IFT140: variants seen among roughly 807,000 people sequenced by gnomAD.
IFT140 encodes the protein intraflagellar transport 140.
In IFT140, 133 loss-of-function variants were observed where a neutral mutation model predicts 164.6. That is an observed-to-expected ratio of 0.81 (90% CI 0.70 to 0.93). IFT140 has a LOEUF of 0.93. Ranked by LOEUF, IFT140 falls within the 40% of genes least tolerant of loss-of-function variation. IFT140 has a pLI of 0.00. For missense variants in IFT140, 2,045 were observed against 1,972.3 expected (o/e 1.04, Z -0.70); for synonymous variants, 860 against 817.3 (o/e 1.05, Z -0.89).
At chr16:1,517,233 C>G (rs910126262) in intron 30 of IFT140, among the ~76,000 whole-genome samples, 1 of 152,050 alleles carries the variant, frequency 6.6e-6, no homozygotes, top group Admixed American at 6.5e-5. Context: ...ACCTGTAGTC[C>G]CAGCTACTTG....
Position 1,531,242 on chromosome 16 carries a change from A to G in IFT140, c.2400-4446T>C, listed in dbSNP as rs771693221. 11 of 152,174 alleles carry G rather than the reference A, an allele frequency of 7.2e-5. No homozygotes were observed. Among genetic ancestry groups the G allele is most frequent in the Non-Finnish European group, 1.2e-4 (8 of 68,034 alleles). The allele number at this position is 152,174 out of a possible 1,614,324, so 9.4% of individuals were successfully genotyped here. A position where few individuals can be genotyped will look rare whatever the true frequency, so the allele number is the denominator to read the frequency against. ...GTTGTCCCGGCCAGTCTGTGGAGTC[A>G]CCCACATCTGCACTTCATCAGCCCC... is the stretch of plus-strand genomic sequence containing the variant. On this transcript the variant is annotated intron_variant, in intron 19 of 30. Transcript: ENST00000426508. This position sits in a 1 kb window ranked among gnomAD's most constrained non-coding sequence, Gnocchi z 4.7.
chr16:1,542,778 C>T lies in IFT140; in HGVS notation c.2399+15157G>A, dbSNP rs3826053. Among the ~76,000 whole-genome samples, 456 of 152,354 alleles carry T rather than the reference C, an allele frequency of 3.0e-3. 13 individuals are homozygous for T. The East Asian group carries it at 0.068, about 23-fold the overall frequency. On this transcript the variant is annotated intron_variant, in intron 19 of 30. Coordinates refer to ENST00000426508, the MANE Select transcript of IFT140 (RefSeq NM_014714.4). ...TCACGAGGCCCTGGCTTCCCCAAGC[C>T]GCCATGTGAGTTGGGGAGGAGGCCC...
rs1056164068 is a variant in IFT140, at chr16:1,525,221, G to A, written c.2864+10C>T. On this transcript the variant is annotated intron_variant, in intron 22 of 30. Coordinates refer to ENST00000426508, the MANE Select transcript of IFT140 (RefSeq NM_014714.4). The stretch of plus-strand genomic sequence containing the variant: ...AGTGCGGTCCCACCAGCCCTGGTGG[G>A]GACACTCACTTATCCTTCATTTTAT... 1 of 1,601,064 alleles carries A rather than the reference G, an allele frequency of 6.2e-7. No individual in the cohort carries two copies. The highest frequency in any genetic ancestry group is 8.5e-7 in the Non-Finnish European group (1 of 1,170,416).
At chr16:1,552,460 T>C (rs1321069107) in intron 19 of IFT140, among the ~76,000 whole-genome samples, 2 of 152,034 alleles carry the variant, frequency 1.3e-5, no homozygotes, top group African/African-American at 4.8e-5. Context: ...CGGCAGAAAG[T>C]GCCAGACCCC....
intron 19 of IFT140, among the ~76,000 whole-genome samples, chr16:1,529,729 T>TA (rs1389292171): frequency 2.6e-5 from 4 of 152,104 alleles, no homozygotes. Flanking sequence ...AGGTCCTGGG[T>TA]AAAAATCCAC....
intron 18 of IFT140, among the ~76,000 whole-genome samples, chr16:1,561,357 A>G (rs2033397668): frequency 6.6e-6 from 1 of 152,232 alleles, no homozygotes; most frequent in African/African-American, 2.4e-5. Context: ...GAAGGAAATA[A>G]CTTGTTCAAA....
At chr16:1,513,882 C>G (rs937930338) in intron 30 of IFT140, among the ~76,000 whole-genome samples, 3 of 141,956 alleles carry the variant, frequency 2.1e-5, no homozygotes, top group Non-Finnish European at 4.5e-5. Context: ...ACCGTGTTAG[C>G]CAAGATGGTC....
intron 4 of IFT140, 48 bp from the exon 5 acceptor site, chr16:1,592,636 G>C (rs376997918): frequency 3.8e-6 from 6 of 1,578,062 alleles, no homozygotes; most frequent in Non-Finnish European, 5.2e-6. Flanking sequence ...CCGGCAGAGC[G>C]ACTGGTGGAG....
chr16:1,542,203 A>G lies in IFT140; in HGVS notation c.2400-15407T>C, dbSNP rs1430092434. 2.8e-6 allele frequency: 3 copies of G among 1,072,166 alleles called. No homozygotes were observed. The African/African-American group carries it at 4.9e-5, about 18-fold the overall frequency. The allele number at this position is 1,072,166 out of a possible 1,614,324, so 66.4% of individuals were successfully genotyped here. A position where few individuals can be genotyped will look rare whatever the true frequency, so the allele number is the denominator to read the frequency against. On this transcript the variant is annotated intron_variant, in intron 19 of 30. Transcript: ENST00000426508. ...AGGCCATACCTCTCAACATGGCCAC[A>G]GGCCACTGAGAAGCCCCATGGGGCA...
intron 18 of IFT140, among the ~76,000 whole-genome samples, chr16:1,559,797 T>C (rs1890801743): frequency 6.6e-6 from 1 of 152,186 alleles, no homozygotes; most frequent in Admixed American, 6.5e-5. Context: ...AAAGTATCGG[T>C]GCACAGACAA....
chr16:1,606,294 C>G (rs1445160266), intron 3 of IFT140, among the ~76,000 whole-genome samples: 2 of 152,244 alleles, frequency 1.3e-5, no homozygotes, highest in Admixed American at 6.5e-5. Flanking sequence ...GGGGACATTT[C>G]TGGTGATGAC....
At chr16:1,516,615 A>G (rs936760084) in intron 30 of IFT140, among the ~76,000 whole-genome samples, 9 of 151,786 alleles carry the variant, frequency 5.9e-5, no homozygotes, top group African/African-American at 1.9e-4. Flanking sequence ...TAAAAATACA[A>G]AAAAATTATC....
At chr16:1,526,903 CGGGCATGAGGAG>C (rs936620322) in intron 19 of IFT140, 107 bp from the exon 20 acceptor site, 1 of 1,279,426 alleles carries the variant, frequency 7.8e-7, no homozygotes, top group African/African-American at 1.5e-5. Flanking sequence ...AGCTGCCAAA[CGGGCATGAGGAG>C]GGGCCTTCAC....
chr16:1,608,574 G>A (rs1041462666), intron 2 of IFT140, among the ~76,000 whole-genome samples: 3 of 148,960 alleles, frequency 2.0e-5, no homozygotes, highest in East Asian at 4.0e-4. Flanking sequence ...CAGAGGTTGC[G>A]GTAAGCTGAG....
At chr16:1,586,744 TCA>T (rs2034904863) in intron 9 of IFT140, among the ~76,000 whole-genome samples, 1 of 152,226 alleles carries the variant, frequency 6.6e-6, no homozygotes, top group South Asian at 2.1e-4. Flanking sequence ...TCACGCTCTG[TCA>T]CACAGACTGG....
intron 2 of IFT140, among the ~76,000 whole-genome samples, chr16:1,608,167 ATC>A (rs1293977441): frequency 6.6e-6 from 1 of 152,284 alleles, no homozygotes; most frequent in South Asian, 2.1e-4. Flanking sequence ...CGTGAACTTA[ATC>A]TCTCTCTTTC....
At chr16:1,565,435 G>A (rs1385051512) in intron 16 of IFT140, among the ~76,000 whole-genome samples, 1 of 152,108 alleles carries the variant, frequency 6.6e-6, no homozygotes, top group Non-Finnish European at 1.5e-5. Context: ...CGGAAGGTGT[G>A]TGGGAGAGGC....
chr16:1,555,000 A>G, intron 19 of IFT140: 13 of 1,612,908 alleles, frequency 8.1e-6, no homozygotes, highest in Non-Finnish European at 1.1e-5. Flanking sequence ...TGGGCTGGAC[A>G]ATGACTACGT....
At position 1,564,127 on chromosome 16, in the gene IFT140, T is replaced by A. The variant is rs762218450; in HGVS notation, c.1937A>T (p.Tyr646Phe). 6.3e-7 allele frequency: 1 copy of A among 1,587,950 alleles called. No homozygotes were observed. Among genetic ancestry groups the A allele is most frequent in the South Asian group, 1.1e-5 (1 of 89,540 alleles). ...HLFVDEGLKN[Y>F]VPVNHFWDQS... The stretch of plus-strand genomic sequence containing the variant: ...GTCCCAGAAGTGGTTCACGGGAACA[T>A]AATTTTTCAGTCCCTCATCCACAAA... Residue 646 changes from tyrosine (Y) to phenylalanine (F), a missense_variant, in exon 17 of 31, where the codon TAT becomes TTT. Physicochemically the swap from Tyr to Phe is conservative, Grantham distance 22 (BLOSUM62 3). Transcript: ENST00000426508. The surrounding 1 kb of genome is among the most constrained non-coding windows in gnomAD (Gnocchi z 5.5).
Sources: allele counts gnomAD v4.1 joint callset (sites outside exome capture counted in the v4.1 genomes callset), GRCh38; gene constraint gnomAD v4.1.1; non-coding constraint Gnocchi (gnomAD v3.1); transcripts MANE v1.5; gene names NCBI Gene and HGNC (gene_info 2026-07-23, HGNC 2026-07-21).